The following PRKAR1A variants were observed in gnomAD, a reference collection of about 807,000 sequenced individuals.
The protein encoded by PRKAR1A is protein kinase cAMP-dependent type I regulatory subunit alpha.
A neutral mutation model predicts 52.0 loss-of-function variants in PRKAR1A; 3 were observed. That is an observed-to-expected ratio of 0.06 (90% CI 0.03 to 0.15). PRKAR1A has a LOEUF of 0.15. PRKAR1A is among the 10% of genes least tolerant of loss of function. PRKAR1A has a pLI of 1.00. For missense variants in PRKAR1A, 240 were observed against 477.4 expected, an observed-to-expected ratio of 0.50 and a Z score of 4.63; for synonymous variants, 188 against 168.4, an observed-to-expected ratio of 1.12 and a Z score of -0.90.
chr17:68,503,700 C>A, the PRKAR1A span, among the ~76,000 whole-genome samples: 16 of 152,280 alleles, frequency 1.1e-4, no homozygotes, highest in African/African-American at 3.9e-4. Context: ...AGGAAAAAAT[C>A]TAATAATCCA....
chr17:68,458,272 A>T, the PRKAR1A span, among the ~76,000 whole-genome samples: 1 of 152,222 alleles, frequency 6.6e-6, no homozygotes, highest in Non-Finnish European at 1.5e-5. Context: ...CAATATACAG[A>T]AGAGGCAACT....
intron 7 of PRKAR1A, among the ~76,000 whole-genome samples, chr17:68,526,497 C>T (rs1005401210): frequency 4.6e-5 from 7 of 152,254 alleles, no homozygotes; most frequent in East Asian, 1.9e-4. Context: ...TAATGGTTTT[C>T]TTAAATTTGT....
At chr17:68,497,151 C>T in the PRKAR1A span, among the ~76,000 whole-genome samples, 3 of 151,988 alleles carry the variant, frequency 2.0e-5, no homozygotes, top group Non-Finnish European at 4.4e-5. Flanking sequence ...TAAACAAGCT[C>T]GAATGGAGAA....
At chr17:68,536,626 G>T (rs1453903548), downstream of PRKAR1A, 2 of 452,320 alleles carry the variant, frequency 4.4e-6, no homozygotes, top group South Asian at 3.1e-5. Flanking sequence ...TAGGGAAGAA[G>T]ATTGTGGTTG....
chr17:68,437,950 A>AAAAAAAC, the PRKAR1A span, among the ~76,000 whole-genome samples: 1 of 35,500 alleles, frequency 2.8e-5, no homozygotes. Context: ...ATCTCTCTTA[A>AAAAAAAC]AAAAAAAAAA....
chr17:68,486,407 TC>T, the PRKAR1A span, among the ~76,000 whole-genome samples: 6,605 of 150,390 alleles, frequency 0.044, 242 homozygotes, highest in Non-Finnish European at 0.073. Context: ...TTTCTTTCTT[TC>T]TTTCTTTCCT....
chr17:68,539,413 G>C (rs1229332843), intron 11 of PRKAR1A: 2 of 1,613,244 alleles, frequency 1.2e-6, no homozygotes, highest in South Asian at 1.1e-5. Context: ...GGAGAAACAG[G>C]CTTTTATGGG....
At chr17:68,503,331 G>C in the PRKAR1A span, among the ~76,000 whole-genome samples, 1 of 152,126 alleles carries the variant, frequency 6.6e-6, no homozygotes, top group Admixed American at 6.5e-5. Context: ...AAAGCAAAAG[G>C]TACTTTTGCC....
the PRKAR1A span, chr17:68,457,486 G>A: frequency 1.4e-5 from 18 of 1,321,448 alleles, no homozygotes; most frequent in East Asian, 3.6e-4. Flanking sequence ...GCCCGCCCGC[G>A]CCGGCTCCAC....
the PRKAR1A span, among the ~76,000 whole-genome samples, chr17:68,487,906 T>C: frequency 1.3e-5 from 2 of 150,010 alleles, no homozygotes; most frequent in African/African-American, 2.5e-5. Flanking sequence ...GGCATAACAG[T>C]GAACAACAAT....
chr17:68,551,114 C>T (rs1285114903), exon 12 of PRKAR1A: 1 of 1,234,182 alleles, frequency 8.1e-7, no homozygotes, highest in African/African-American at 1.6e-5. Context: ...AGGAGCATTC[C>T]CCTGGGCTAA....
the PRKAR1A span, chr17:68,444,741 G>A: frequency 1.7e-6 from 1 of 585,130 alleles, no homozygotes; most frequent in African/African-American, 1.9e-5. Context: ...GTTTATGGAT[G>A]TACACACATA....
intron 1 of PRKAR1A, chr17:68,513,286 C>T (rs2085327854): frequency 1.3e-5 from 2 of 152,218 alleles, no homozygotes; most frequent in African/African-American, 2.4e-5. Context: ...CTATTAACCT[C>T]TTCAGCTCAG....
the PRKAR1A span, chr17:68,457,477 C>T: frequency 1.2e-5 from 16 of 1,354,500 alleles, no homozygotes; most frequent in Middle Eastern, 2.7e-4. Context: ...ACCTCAGCAG[C>T]CCGCCCGCGC....
intron 11 of PRKAR1A, chr17:68,540,799 G>A (rs1370409140): frequency 6.4e-7 from 1 of 1,556,862 alleles, no homozygotes; most frequent in Admixed American, 1.9e-5. Flanking sequence ...GGGAACCCTA[G>A]CCACATAGCA....
chr17:68,539,755 G>T (rs1448727965), intron 11 of PRKAR1A: 1 of 826,746 alleles, frequency 1.2e-6, no homozygotes. Context: ...AAGAAGCCGG[G>T]CTCGAAGGAG....
chr17:68,426,251 G>GGGGGGGGGGGGT, the PRKAR1A span: 4 of 825,460 alleles, frequency 4.8e-6, no homozygotes, highest in South Asian at 1.3e-5. Context: ...GTGGGGAGCG[G>GGGGGGGGGGGGT]GGGCTCAAAT....
At chr17:68,475,835 C>T in the PRKAR1A span, among the ~76,000 whole-genome samples, 10 of 152,104 alleles carry the variant, frequency 6.6e-5, no homozygotes, top group Non-Finnish European at 1.3e-4. Context: ...ATTATAGCCA[C>T]TTCTTTGATA....
At chr17:68,428,897 A>G in the PRKAR1A span, 1 of 1,614,176 alleles carries the variant, frequency 6.2e-7, no homozygotes, top group Non-Finnish European at 8.5e-7. Context: ...AAAGGTGTCC[A>G]CTGGATGACG....
Sources: allele counts gnomAD v4.1 joint callset (sites outside exome capture counted in the v4.1 genomes callset), GRCh38; gene constraint gnomAD v4.1.1; transcripts MANE v1.5; gene names NCBI Gene and HGNC (gene_info 2026-07-23, HGNC 2026-07-21).